Variants in ACADS observed in about 807,000 individuals in gnomAD.
ACADS encodes acyl-CoA dehydrogenase short chain, also known as short-chain specific acyl-CoA dehydrogenase, mitochondrial.
Under a neutral mutation model 46.8 loss-of-function variants are expected in ACADS, and 28 were observed. The ratio of observed to expected loss-of-function variants is 0.60; its 90% CI spans 0.44 to 0.82. The LOEUF is 0.82. ACADS is among the 40% of genes least tolerant of loss of function. ACADS has a pLI of 0.00. For missense variants in ACADS, 528 were observed against 578.0 expected, an observed-to-expected ratio of 0.91 and a Z score of 0.89; for synonymous variants, 236 against 237.7, an observed-to-expected ratio of 0.99 and a Z score of 0.07.
chr12:120,730,443 CAGAG>C (rs549095680), intron 2 of ACADS, among the ~76,000 whole-genome samples: 30 of 152,238 alleles, frequency 2.0e-4, no homozygotes, highest in African/African-American at 7.2e-4. Flanking sequence ...TCGCATTAGT[CAGAG>C]GGAGGCGGCG....
chr12:120,734,659 G>C lies in ACADS; in HGVS notation c.211-2327G>C, dbSNP rs187613046. The stretch of plus-strand genomic sequence containing the variant: ...GTGTGGTGGCTCGTGCCTCTAATCA[G>C]CATGAGGGAGGCTGAGGCAAGAGGA... On this transcript the variant is annotated intron_variant, in intron 2 of 9. Transcript: ENST00000242592. 3.9e-3 allele frequency among the ~76,000 whole-genome samples: 590 copies of C among 152,032 alleles called. 4 individuals carry two copies. The highest frequency in any genetic ancestry group is 3.0e-3 in the Non-Finnish European group (201 of 67,992).
Position 120,737,340 on chromosome 12 carries a change from C to T in ACADS, c.361-16C>T. 1.2e-6 allele frequency: 2 copies of T among 1,612,058 alleles called. No homozygotes were observed. The highest frequency in any genetic ancestry group is 8.5e-7 in the Non-Finnish European group (1 of 1,178,912). ...CTGGGCCTGGGGCCTCCGACCGCTC[C>T]CCGCTGTCCTCCTAGTCTCTCTACC... On this transcript the variant is annotated splice_polypyrimidine_tract_variant and intron_variant, in intron 3 of 9. Coordinates refer to ENST00000242592, the MANE Select transcript of ACADS (RefSeq NM_000017.4).
intron 4 of ACADS, 33 bp from the exon 5 acceptor site, chr12:120,737,804 G>A: frequency 6.2e-7 from 1 of 1,613,386 alleles, no homozygotes; most frequent in Non-Finnish European, 8.5e-7. Context: ...TGTGGGGTGG[G>A]GCGTGCGCTG....
At chr12:120,731,451 A>G (rs1476856571) in intron 2 of ACADS, among the ~76,000 whole-genome samples, 1 of 138,942 alleles carries the variant, frequency 7.2e-6, no homozygotes, top group Non-Finnish European at 1.5e-5. Context: ...TCCTTAATAA[A>G]ATAGTTTTTT....
intron 2 of ACADS, among the ~76,000 whole-genome samples, chr12:120,732,546 G>A (rs1180999394): frequency 1.3e-5 from 2 of 151,378 alleles, no homozygotes; most frequent in Admixed American, 1.3e-4. Flanking sequence ...CCCAGACGGG[G>A]TGGCGGTCGG....
chr12:120,736,860 G>A (rs533379922), intron 2 of ACADS, 126 bp from the exon 3 acceptor site: 21 of 1,233,230 alleles, frequency 1.7e-5, no homozygotes, highest in Admixed American at 1.2e-4. Context: ...TCCCTTGTGC[G>A]TGGCTGGGGT....
intron 2 of ACADS, among the ~76,000 whole-genome samples, chr12:120,731,455 G>GTT (rs71076649): frequency 1.0e-4 from 13 of 126,244 alleles, no homozygotes; most frequent in Non-Finnish European, 4.9e-5. Flanking sequence ...TAATAAAATA[G>GTT]TTTTTTTTTT....
intron 2 of ACADS, among the ~76,000 whole-genome samples, chr12:120,732,904 C>G (rs1256287856): frequency 6.6e-6 from 1 of 152,244 alleles, no homozygotes; most frequent in Non-Finnish European, 1.5e-5. Flanking sequence ...GAGCTGAGAT[C>G]AAGCCACTGC....
At chr12:120,731,783 G>T (rs1206543769) in intron 2 of ACADS, among the ~76,000 whole-genome samples, 2 of 152,006 alleles carry the variant, frequency 1.3e-5, no homozygotes, top group East Asian at 3.9e-4. Flanking sequence ...AGGACCCTGC[G>T]GCCTTCCGCA....
At position 120,736,967 on chromosome 12, in the gene ACADS, C is replaced by T. The variant is rs1308117786; in HGVS notation, c.211-19C>T. On this transcript the variant is annotated intron_variant, in intron 2 of 9. Coordinates refer to ENST00000242592, the MANE Select transcript of ACADS (RefSeq NM_000017.4). ...CCCCCGGCAGCTGCCCATGGCGTGC[C>T]GTCCTTCCCTGTGCCCAGGTGAAGA... 11 of 1,589,482 alleles carry T rather than the reference C, an allele frequency of 6.9e-6. No individual in the cohort carries two copies. The highest frequency in any genetic ancestry group is 4.5e-5 in the South Asian group (4 of 88,068).
Position 120,737,925 on chromosome 12 carries a change from C to T in ACADS, c.561C>T (p.Thr187=). The change falls in exon 5 of 10, where the codon ACC becomes ACT. Residue 187 remains threonine (T), a synonymous_variant. Transcript: ENST00000242592. ...TGAATGGAACCAAAGCCTGGATCACCAATGCCTGGGAGGCTTCGGCTGCCG... is the reference window on the plus strand; with the variant it reads ...TGAATGGAACCAAAGCCTGGATCACTAATGCCTGGGAGGCTTCGGCTGCCG... ...WVLNGTKAWI[T]NAWEASAAVV... The T allele has an allele frequency of 6.2e-7, 1 of 1,614,168 alleles. No individual in the cohort carries two copies. Among genetic ancestry groups the T allele is most frequent in the Non-Finnish European group, 8.5e-7 (1 of 1,180,042 alleles).
chr12:120,733,233 CGGGGG>C, intron 2 of ACADS, among the ~76,000 whole-genome samples: 1 of 150,854 alleles, frequency 6.6e-6, no homozygotes, highest in African/African-American at 2.5e-5. Context: ...AGAGGGAGAC[CGGGGG>C]GAGAGGGAGA....
At position 120,737,862 on chromosome 12, in the gene ACADS, G is replaced by A. The variant is rs187551593; in HGVS notation, c.498G>A (p.Ala166=). The A allele has an allele frequency of 1.7e-5, 27 of 1,613,958 alleles. No individual in the cohort carries two copies. The highest frequency in any genetic ancestry group is 4.0e-5 in the African/African-American group (3 of 75,036). ...EPGNGSDAGA[A]STTARAEGDS... is the part of the protein sequence containing the mutation. ...GGAACGGCAGTGATGCAGGAGCTGC[G>A]TCCACCACCGCCCGGGCCGAGGGCG... The change falls in exon 5 of 10, where the codon GCG becomes GCA. Residue 166 remains alanine, a synonymous_variant. Coordinates refer to ENST00000242592, the MANE Select transcript of ACADS (RefSeq NM_000017.4).
intron 2 of ACADS, among the ~76,000 whole-genome samples, chr12:120,735,577 T>C (rs934274547): frequency 2.0e-5 from 3 of 152,018 alleles, no homozygotes; most frequent in Non-Finnish European, 4.4e-5. Context: ...CAAACATTCT[T>C]ATTAGTTTAT....
At position 120,725,877 on chromosome 12, in the gene ACADS, C is replaced by T. The variant is rs748073190; in HGVS notation, c.-9C>T. The T allele has an allele frequency of 1.3e-6, 2 of 1,549,742 alleles. No individual in the cohort carries two copies. Among genetic ancestry groups the T allele is most frequent in the Non-Finnish European group, 1.7e-6 (2 of 1,156,406 alleles). ...GAGGTCGCGAAGCCTGGGACTGTGT[C>T]TGTCGCCCATGGCCGCCGCGCTGCT... On this transcript the variant is annotated 5_prime_UTR_variant, in exon 1 of 10. Transcript: ENST00000242592.
At chr12:120,733,745 G>A (rs1000442246) in intron 2 of ACADS, among the ~76,000 whole-genome samples, 7 of 150,908 alleles carry the variant, frequency 4.6e-5, no homozygotes, top group Non-Finnish European at 8.8e-5. Flanking sequence ...GTTTCCTATT[G>A]CTGCTGTAAC....
At chr12:120,727,263 C>A in intron 2 of ACADS, 74 bp downstream of exon 2, 2 of 1,591,326 alleles carry the variant, frequency 1.3e-6, no homozygotes, top group South Asian at 2.2e-5. Context: ...CAGTGACAGT[C>A]AGCGGCACTC....
chr12:120,736,593 G>A (rs1883444880), intron 2 of ACADS, among the ~76,000 whole-genome samples: 1 of 152,208 alleles, frequency 6.6e-6, no homozygotes, highest in Non-Finnish European at 1.5e-5. Flanking sequence ...GAGGTGGCAT[G>A]TGCAGAGGCC....
intron 2 of ACADS, among the ~76,000 whole-genome samples, chr12:120,730,765 C>T (rs188619602): frequency 6.9e-6 from 1 of 145,312 alleles, no homozygotes; most frequent in African/African-American, 2.7e-5. Flanking sequence ...GGTTTTATAC[C>T]AACAAGTTCC....
Sources: gnomAD v4.1 joint callset for allele counts (sites outside exome capture counted in the v4.1 genomes callset) on GRCh38, gnomAD v4.1.1 for gene constraint, MANE v1.5 for transcripts, NCBI Gene and HGNC (gene_info 2026-07-23, HGNC 2026-07-21) for gene names.